ARHGEF10: variants seen among roughly 807,000 people sequenced by gnomAD.
ARHGEF10 encodes the protein Rho guanine nucleotide exchange factor (GEF) 10.
Under a neutral mutation model 147.4 loss-of-function variants are expected in ARHGEF10, and 140 were observed. That is an observed-to-expected ratio of 0.95 (90% confidence interval 0.83 to 1.09). The LOEUF (loss-of-function observed/expected upper bound fraction) is 1.09, where lower values mean the gene tolerates loss of function less well. ARHGEF10 is among the 50% of genes least tolerant of loss of function. ARHGEF10 has a pLI of 0.00. For synonymous variants in ARHGEF10, 902 were observed against 695.8 expected (o/e 1.30, Z -4.67); for missense variants, 2,222 against 1,752.7 (o/e 1.27, Z -4.78).
At chr8:1,866,707 C>G in intron 6 of ARHGEF10, 105 bp downstream of exon 6, 3 of 1,073,428 alleles carry the variant, frequency 2.8e-6, no homozygotes, top group Non-Finnish European at 4.3e-6. Flanking sequence ...ATCTAAAACT[C>G]TAAAAAGATG....
intron 1 of ARHGEF10, among the ~76,000 whole-genome samples, chr8:1,828,248 G>T (rs1447008900): frequency 1.3e-5 from 2 of 152,240 alleles, no homozygotes; most frequent in African/African-American, 2.4e-5. Flanking sequence ...TTGTTGTCCA[G>T]CTGTGGGGAA....
At chr8:1,920,273 G>C (rs1158127117) in intron 18 of ARHGEF10, among the ~76,000 whole-genome samples, 3 of 152,222 alleles carry the variant, frequency 2.0e-5, no homozygotes, top group Non-Finnish European at 4.4e-5. Flanking sequence ...TATTTTAAAA[G>C]AAGTCAACTA....
chr8:1,928,796 G>A (rs1812887377), intron 24 of ARHGEF10, 146 bp downstream of exon 24: 1 of 848,552 alleles, frequency 1.2e-6, no homozygotes, highest in African/African-American at 1.7e-5. Flanking sequence ...AATTTTTAGG[G>A]TCATTGCACT....
At chr8:1,859,791 G>C in intron 3 of ARHGEF10, 106 bp from the exon 4 acceptor site, 1 of 1,392,586 alleles carries the variant, frequency 7.2e-7, no homozygotes. Context: ...TCCTGGCATG[G>C]GATGATGGTG....
rs764495121 is a variant in ARHGEF10, at chr8:1,929,404, C to A, written c.3040C>A (p.Leu1014Met). 11 of 1,612,436 alleles carry A rather than the reference C, an allele frequency of 6.8e-6. No individual in the cohort carries two copies. Among genetic ancestry groups the A allele is most frequent in the Non-Finnish European group, 9.3e-6 (11 of 1,179,698 alleles). ...CACGTCTCAGAGCCTGTACGCTGGC[C>A]TGGTCAACGGGGCAGTCGCCAGCTA... ...ACTSQSLYAG[L>M]VNGAVASYAR... The change falls in exon 25 of 29, where the codon CTG (leucine) becomes ATG (methionine). Residue 1014 changes from leucine to methionine, a missense_variant. Coordinates refer to ENST00000349830, the MANE Select transcript of ARHGEF10 (RefSeq NM_014629.4).
intron 1 of ARHGEF10, among the ~76,000 whole-genome samples, chr8:1,831,751 C>T (rs544045550): frequency 1.6e-4 from 25 of 152,338 alleles, no homozygotes; most frequent in African/African-American, 4.8e-4. Context: ...GTGCACTGCT[C>T]GCTCCTGGAC....
At chr8:1,857,024 C>T (rs961512507) in intron 2 of ARHGEF10, among the ~76,000 whole-genome samples, 10 of 152,204 alleles carry the variant, frequency 6.6e-5, no homozygotes, top group South Asian at 2.1e-4. Context: ...CGGCAGGCTG[C>T]GCCATCAGCC....
intron 1 of ARHGEF10, among the ~76,000 whole-genome samples, chr8:1,834,204 A>C (rs1479769543): frequency 6.6e-6 from 1 of 152,222 alleles, no homozygotes; most frequent in Non-Finnish European, 1.5e-5. Context: ...AGAGAGGGTC[A>C]CACCTGCTTG....
chr8:1,903,129 C>G (rs1563260500), intron 15 of ARHGEF10, 152 bp from the exon 16 acceptor site: 1 of 1,005,934 alleles, frequency 9.9e-7, no homozygotes, highest in Admixed American at 1.7e-5. Flanking sequence ...ACTCACTCAG[C>G]TCATCATCCC....
chr8:1,883,156 G>T (rs1219730884), intron 10 of ARHGEF10, among the ~76,000 whole-genome samples: 7 of 152,182 alleles, frequency 4.6e-5, no homozygotes, highest in Admixed American at 4.6e-4. Context: ...TTGGTGAGGG[G>T]AGATTTGGAG....
chr8:1,828,935 G>T (rs548449345), intron 1 of ARHGEF10, among the ~76,000 whole-genome samples: 2 of 152,166 alleles, frequency 1.3e-5, no homozygotes, highest in Non-Finnish European at 2.9e-5. Flanking sequence ...TTTCAGTGCA[G>T]TGTCTGATTT....
chr8:1,956,663 T>C, intron 28 of ARHGEF10, 86 bp from the exon 29 acceptor site: 1 of 1,460,266 alleles, frequency 6.8e-7, no homozygotes, highest in South Asian at 1.1e-5. Flanking sequence ...GAGGAATGCG[T>C]TGGGGTTAAG....
intron 9 of ARHGEF10, among the ~76,000 whole-genome samples, chr8:1,880,924 C>T (rs574406976): frequency 1.3e-5 from 2 of 152,194 alleles, no homozygotes; most frequent in African/African-American, 2.4e-5. Context: ...GCCACAGCCG[C>T]CCCCTGGGAG....
At chr8:1,882,405 A>G (rs1373111422) in intron 9 of ARHGEF10, among the ~76,000 whole-genome samples, 1 of 152,142 alleles carries the variant, frequency 6.6e-6, no homozygotes, top group Non-Finnish European at 1.5e-5. Context: ...AATACCATAA[A>G]TGGGGCAGGG....
chr8:1,889,084 C>G (rs1479315220), intron 11 of ARHGEF10, among the ~76,000 whole-genome samples: 1 of 56,208 alleles, frequency 1.8e-5, no homozygotes, highest in African/African-American at 1.5e-4. Context: ...GGTGAGGGGT[C>G]CGTGAGGAGA....
rs76106998 is a variant in ARHGEF10, at chr8:1,888,780, G to A, written c.1182+3073G>A. 1.6e-3 allele frequency among the ~76,000 whole-genome samples: 145 copies of A among 90,150 alleles called. 32 individuals carry two copies. The highest frequency in any genetic ancestry group is 5.7e-3 in the East Asian group (7 of 1,232). 59.1% of individuals were successfully genotyped at this position (90,150 alleles called of 152,430 possible). Reference sequence around the variant, plus strand: ...GGTGAGGTTTGTGAGGAGACACTGAGTGGGGTGAGTATTGTGAGGAGACAC... The same window carrying A: ...GGTGAGGTTTGTGAGGAGACACTGAATGGGGTGAGTATTGTGAGGAGACAC... On this transcript the variant is annotated intron_variant, in intron 11 of 28. Coordinates refer to ENST00000349830, the MANE Select transcript of ARHGEF10 (RefSeq NM_014629.4).
At chr8:1,911,755 G>A (rs1397692509) in intron 18 of ARHGEF10, among the ~76,000 whole-genome samples, 1 of 152,128 alleles carries the variant, frequency 6.6e-6, no homozygotes, top group East Asian at 1.9e-4. Flanking sequence ...GGTGAATGAC[G>A]TCCCTTCACT....
intron 11 of ARHGEF10, among the ~76,000 whole-genome samples, chr8:1,893,091 G>GGAAA (rs1809681360): frequency 4.6e-5 from 2 of 43,830 alleles, no homozygotes; most frequent in Non-Finnish European, 7.2e-5. Flanking sequence ...AAAGATCTTT[G>GGAAA]CAAAAAAAAA....
At chr8:1,945,891 A>AGGAGCCGCGTGCTGGGG (rs1423205122) in intron 27 of ARHGEF10, 8 of 717,606 alleles carry the variant, frequency 1.1e-5, no homozygotes, top group Non-Finnish European at 1.9e-5. Flanking sequence ...GCGTGCTGGG[A>AGGAGCCGCGTGCTGGGG]GGAGCCGCGT....
Sources: allele counts gnomAD v4.1 joint callset (sites outside exome capture counted in the v4.1 genomes callset), GRCh38; gene constraint gnomAD v4.1.1; transcripts MANE v1.5; gene names NCBI Gene and HGNC (gene_info 2026-07-23, HGNC 2026-07-21).